The following NLN variants were observed in gnomAD, a reference collection of about 807,000 sequenced individuals.
The protein encoded by NLN is neurolysin, mitochondrial.
NLN carries 64 observed loss-of-function variants against 79.9 expected under a neutral mutation model. The ratio of observed to expected loss-of-function variants is 0.80; its 90% CI spans 0.65 to 0.99. The LOEUF is 0.99. Among genes scored for constraint, NLN ranks in the 50% least tolerant of loss-of-function variants. The pLI, the probability that NLN is intolerant of heterozygous loss-of-function variation, is 0.00. For synonymous variants in NLN, 267 were observed against 296.6 expected (o/e 0.90, Z 1.02); for missense variants, 835 against 858.7 (o/e 0.97, Z 0.34).
At chr5:65,722,516 C>T in intron 1 of NLN, 102 bp downstream of exon 1, 1 of 1,101,718 alleles carries the variant, frequency 9.1e-7, no homozygotes, top group South Asian at 1.4e-5. Context: ...CGCGCCTCTC[C>T]GACGCTCCCG....
chr5:65,738,906 G>T (rs1450936980), intron 1 of NLN, among the ~76,000 whole-genome samples: 2 of 141,950 alleles, frequency 1.4e-5, no homozygotes, highest in Admixed American at 7.2e-5. Context: ...ACAGGTGCGT[G>T]CCACCTATGA....
Position 65,746,261 on chromosome 5 carries a change from T to G in NLN, c.42-12306T>G, listed in dbSNP as rs1758977175. 2.0e-5 allele frequency among the ~76,000 whole-genome samples: 3 copies of G among 152,044 alleles called. No homozygotes were observed. In the South Asian group the frequency reaches 6.2e-4, roughly 32 times the overall value. ...AAAAGACAACTGATGATAAAAATCATGAGGGAACAGCCAGAGACATCAAAT... is the reference window on the plus strand; with the variant it reads ...AAAAGACAACTGATGATAAAAATCAGGAGGGAACAGCCAGAGACATCAAAT... On this transcript the variant is annotated intron_variant, in intron 1 of 12. Transcript: ENST00000380985.
At chr5:65,735,811 A>G (rs540026459) in intron 1 of NLN, among the ~76,000 whole-genome samples, 86 of 152,254 alleles carry the variant, frequency 5.6e-4, no homozygotes, top group East Asian at 3.9e-4. Context: ...AGTGAACTCA[A>G]TGCTTCAGCC....
chr5:65,783,684 A>C (rs1206290621), intron 6 of NLN, among the ~76,000 whole-genome samples: 1 of 148,900 alleles, frequency 6.7e-6, no homozygotes, highest in Non-Finnish European at 1.5e-5. Context: ...ATATGGCAAG[A>C]CCTCACCTCT....
intron 1 of NLN, among the ~76,000 whole-genome samples, chr5:65,731,850 A>G (rs1350978046): frequency 7.0e-6 from 1 of 143,776 alleles, no homozygotes; most frequent in African/African-American, 2.6e-5. Flanking sequence ...TCCCAGTCTC[A>G]AGCAGTCCTC....
chr5:65,784,934 T>A (rs1759884614), intron 6 of NLN, among the ~76,000 whole-genome samples: 1 of 152,234 alleles, frequency 6.6e-6, no homozygotes, highest in Non-Finnish European at 1.5e-5. Flanking sequence ...AATATTTGTC[T>A]TTTTGTATCT....
chr5:65,728,263 T>C (rs1758522545), intron 1 of NLN, among the ~76,000 whole-genome samples: 1 of 152,136 alleles, frequency 6.6e-6, no homozygotes, highest in African/African-American at 2.4e-5. Flanking sequence ...ATTGTTATTC[T>C]TTTATAATTT....
intron 12 of NLN, among the ~76,000 whole-genome samples, chr5:65,818,558 C>T (rs184877078): frequency 3.6e-4 from 55 of 152,302 alleles, no homozygotes; most frequent in African/African-American, 1.3e-3. Flanking sequence ...CAGTCAGCAC[C>T]AGTTTTTTTC....
At chr5:65,791,347 C>G (rs1161019731) in intron 8 of NLN, among the ~76,000 whole-genome samples, 2 of 152,164 alleles carry the variant, frequency 1.3e-5, no homozygotes, top group African/African-American at 4.8e-5. Flanking sequence ...CACCTGAGGT[C>G]AGGAGTTTGA....
At chr5:65,730,457 G>A (rs1169547167) in intron 1 of NLN, among the ~76,000 whole-genome samples, 1 of 152,118 alleles carries the variant, frequency 6.6e-6, no homozygotes, top group Non-Finnish European at 1.5e-5. Context: ...AGAGACCATT[G>A]TGACTAGCAT....
intron 3 of NLN, among the ~76,000 whole-genome samples, chr5:65,774,730 T>TATATATA (rs769804353): frequency 2.7e-4 from 36 of 131,008 alleles, no homozygotes; most frequent in African/African-American, 9.2e-4. Flanking sequence ...TATATATATA[T>TATATATA]TTTTTTTTTT....
chr5:65,754,884 G>A (rs960730908), intron 1 of NLN, among the ~76,000 whole-genome samples: 1 of 152,112 alleles, frequency 6.6e-6, no homozygotes, highest in South Asian at 2.1e-4. Flanking sequence ...AGATACTCGG[G>A]TTCCTGGTTC....
At chr5:65,746,341 A>C (rs1758978552) in intron 1 of NLN, among the ~76,000 whole-genome samples, 1 of 152,238 alleles carries the variant, frequency 6.6e-6, no homozygotes, top group Non-Finnish European at 1.5e-5. Flanking sequence ...CCCAAAAAAG[A>C]GGGAGTTAAA....
rs1469626662 is a variant in NLN at position 65,829,052 on chromosome 5, G to A, written c.*6137G>A. The A allele has an allele frequency of 2.0e-5, 3 of 152,050 alleles. No individual in the cohort carries two copies. The highest frequency in any genetic ancestry group is 2.9e-5 in the Non-Finnish European group (2 of 68,020). The allele number at this position is 152,050 out of a possible 1,614,324, so 9.4% of individuals were successfully genotyped here. ...ACTGTTAGAGAATGAGTAAACGTTC[G>A]TTTTCCTCCCTACAGAATTTACAGT... On this transcript the variant is annotated 3_prime_UTR_variant, in exon 13 of 13. Transcript: ENST00000380985.
chr5:65,822,940 A>G lies in NLN; in HGVS notation c.*25A>G. The G allele has an allele frequency of 6.2e-7, 1 of 1,606,664 alleles. No individual in the cohort carries two copies. Among genetic ancestry groups the G allele is most frequent in the Non-Finnish European group, 8.5e-7 (1 of 1,173,644 alleles). On this transcript the variant is annotated 3_prime_UTR_variant, in exon 13 of 13. Coordinates refer to ENST00000380985, the MANE Select transcript of NLN (RefSeq NM_020726.5). ...AACTGGGGATCTTTGGTAGCCGTCC[A>G]TGTCTGGAGGACAAGTCGACATCAC... is the stretch of plus-strand genomic sequence containing the variant.
intron 8 of NLN, among the ~76,000 whole-genome samples, chr5:65,790,463 G>A (rs370345402): frequency 1.3e-5 from 2 of 152,204 alleles, no homozygotes; most frequent in African/African-American, 4.8e-5. Flanking sequence ...CATGGCAGAA[G>A]GGGAAACAAA....
chr5:65,734,132 C>T (rs1490765610), intron 1 of NLN, among the ~76,000 whole-genome samples: 1 of 138,688 alleles, frequency 7.2e-6, no homozygotes, highest in Non-Finnish European at 1.6e-5. Context: ...CTCCTGACCT[C>T]GTGATCCACC....
chr5:65,787,232 CTCTT>C (rs1452030952), intron 7 of NLN, among the ~76,000 whole-genome samples: 11 of 149,842 alleles, frequency 7.3e-5, no homozygotes, highest in Admixed American at 5.9e-4. Context: ...CTCTCTCTCT[CTCTT>C]TATATATATA....
At chr5:65,730,518 C>T (rs2150732774) in intron 1 of NLN, among the ~76,000 whole-genome samples, 1 of 151,696 alleles carries the variant, frequency 6.6e-6, no homozygotes, top group Non-Finnish European at 1.5e-5. Flanking sequence ...AAAAATTGGA[C>T]TCATCCTTTT....
Sources: gnomAD v4.1 joint callset for allele counts (sites outside exome capture counted in the v4.1 genomes callset) on GRCh38, gnomAD v4.1.1 for gene constraint, MANE v1.5 for transcripts, NCBI Gene and HGNC (gene_info 2026-07-23, HGNC 2026-07-21) for gene names.